The following SS18 variants were observed in gnomAD, a reference collection of about 807,000 sequenced individuals.
SS18 encodes the protein protein SSXT.
SS18 carries 28 observed loss-of-function variants against 72.5 expected under a neutral mutation model. The observed-to-expected ratio is 0.39, with a 90% CI of 0.29 to 0.53. SS18 has a LOEUF of 0.53. SS18 is among the 20% of genes least tolerant of loss of function. The pLI is 0.76. For synonymous variants in SS18, 172 were observed against 164.2 expected, an observed-to-expected ratio of 1.05 and a Z score of -0.37; for missense variants, 518 against 535.3, an observed-to-expected ratio of 0.97 and a Z score of 0.32.
chr18:26,031,370 A>G (rs1033111697), intron 10 of SS18, among the ~76,000 whole-genome samples: 3 of 152,154 alleles, frequency 2.0e-5, no homozygotes, highest in African/African-American at 4.8e-5. Context: ...TCTAGTTACC[A>G]CTGCATCTGA....
intron 3 of SS18, among the ~76,000 whole-genome samples, chr18:26,060,881 G>A (rs1023767629): frequency 6.0e-5 from 9 of 149,578 alleles, no homozygotes; most frequent in Admixed American, 2.0e-4. Context: ...GCTTGCACCT[G>A]GGAGGTGGAG....
At chr18:26,081,858 G>A (rs2054529858) in intron 2 of SS18, among the ~76,000 whole-genome samples, 1 of 152,032 alleles carries the variant, frequency 6.6e-6, no homozygotes, top group Non-Finnish European at 1.5e-5. Flanking sequence ...AGGAGTTCAA[G>A]ACAAGCCTGG....
chr18:26,043,610 A>G (rs2143916074), intron 5 of SS18, among the ~76,000 whole-genome samples: 1 of 152,334 alleles, frequency 6.6e-6, no homozygotes, highest in South Asian at 2.1e-4. Flanking sequence ...TAAAAAGAAT[A>G]GGATTCTTTA....
At chr18:26,023,298 G>C (rs2053384958) in intron 10 of SS18, among the ~76,000 whole-genome samples, 1 of 152,126 alleles carries the variant, frequency 6.6e-6, no homozygotes, top group Admixed American at 6.5e-5. Flanking sequence ...AGACACGGAA[G>C]ATATTAAAAA....
intron 2 of SS18, among the ~76,000 whole-genome samples, chr18:26,084,412 A>G (rs2144177929): frequency 6.6e-6 from 1 of 152,332 alleles, no homozygotes; most frequent in Non-Finnish European, 1.5e-5. Flanking sequence ...TTTTTAGTGG[A>G]TGCTAAAATT....
At chr18:26,022,049 CA>C (rs1299525257) in intron 10 of SS18, among the ~76,000 whole-genome samples, 1 of 152,042 alleles carries the variant, frequency 6.6e-6, no homozygotes, top group Non-Finnish European at 1.5e-5. Context: ...TGAGCAATAC[CA>C]AAATCTTTAC....
chr18:26,069,126 C>T (rs2144092328), intron 3 of SS18, among the ~76,000 whole-genome samples: 1 of 152,266 alleles, frequency 6.6e-6, no homozygotes, highest in African/African-American at 2.4e-5. Context: ...ACTTCAAATA[C>T]TCCAGAATCT....
chr18:26,052,528 T>C lies in SS18; in HGVS notation c.607+96A>G, dbSNP rs544074965. 6 of 1,006,266 alleles carry C rather than the reference T, an allele frequency of 6.0e-6. No individual in the cohort carries two copies. In the South Asian group the frequency reaches 6.0e-5, roughly 10 times the overall value. The allele number at this position is 1,006,266 out of a possible 1,614,324, so 62.3% of individuals were successfully genotyped here. A position where few individuals can be genotyped will look rare whatever the true frequency, so the allele number is the denominator to read the frequency against. ...ATGACTGTCACTCACTTTAAACTTTTATTTTTATGAACCAGCTAAGAACCT... is the reference window on the plus strand; with the variant it reads ...ATGACTGTCACTCACTTTAAACTTTCATTTTTATGAACCAGCTAAGAACCT... On this transcript the variant is annotated intron_variant, in intron 5 of 10. Transcript: ENST00000415083.
intron 5 of SS18, among the ~76,000 whole-genome samples, chr18:26,050,689 C>A (rs2053906301): frequency 6.6e-6 from 1 of 151,552 alleles, no homozygotes; most frequent in South Asian, 2.1e-4. Flanking sequence ...TTTTATTTGT[C>A]CTAAAGAGAT....
intron 5 of SS18, among the ~76,000 whole-genome samples, chr18:26,041,162 C>T (rs1428269520): frequency 6.6e-6 from 1 of 152,210 alleles, no homozygotes; most frequent in African/African-American, 2.4e-5. Context: ...GTGGCTCACA[C>T]CTGTAATCCC....
chr18:26,067,705 G>A (rs571497331), intron 3 of SS18, among the ~76,000 whole-genome samples: 5 of 152,158 alleles, frequency 3.3e-5, no homozygotes, highest in South Asian at 2.1e-4. Flanking sequence ...TAAAGACGAC[G>A]AGCTGCGCAG....
chr18:26,034,991 G>C lies in SS18; in HGVS notation c.1096+14C>G, dbSNP rs771460051. ...ATTTTTTTGGTGATAAAAATACACT[G>C]TACAAAGCTTTACCGTAGCCCTGCT... On this transcript the variant is annotated intron_variant, in intron 9 of 10. Transcript: ENST00000415083. The C allele has an allele frequency of 1.9e-6, 3 of 1,611,876 alleles. No homozygotes were observed. The East Asian group carries it at 6.7e-5, about 36-fold the overall frequency.
At chr18:26,049,028 A>AG (rs770296710) in intron 5 of SS18, among the ~76,000 whole-genome samples, 20 of 152,342 alleles carry the variant, frequency 1.3e-4, no homozygotes, top group Middle Eastern at 3.4e-3. Flanking sequence ...AGTAAGCTAC[A>AG]GGGGGCCAAG....
intron 5 of SS18, among the ~76,000 whole-genome samples, chr18:26,046,974 C>T (rs2053834549): frequency 6.6e-6 from 1 of 152,140 alleles, no homozygotes; most frequent in Non-Finnish European, 1.5e-5. Context: ...GCTATGGTAA[C>T]TGAAATTCAA....
In SS18 at chr18:26,078,441, C is replaced by T. The variant is rs535733536; in HGVS notation, c.147-281G>A. On this transcript the variant is annotated intron_variant, in intron 2 of 10. Coordinates refer to ENST00000415083, the MANE Select transcript of SS18 (RefSeq NM_001007559.3). ...TACTACGAGGCAGGAGCTCTTTTCT[C>T]CATTTTACAGATGAGAAACTAATGT... 13 of 251,922 alleles carry T rather than the reference C, an allele frequency of 5.2e-5. No individual in the cohort carries two copies. In the South Asian group the frequency reaches 1.0e-3, roughly 20 times the overall value. The allele number at this position is 251,922 out of a possible 1,614,324, so 15.6% of individuals were successfully genotyped here. A position where few individuals can be genotyped will look rare whatever the true frequency, so the allele number is the denominator to read the frequency against.
rs2053619172 is a variant in SS18, at chr18:26,035,920, T to G, written c.884A>C (p.His295Pro). 1.3e-6 allele frequency: 2 copies of G among 1,595,728 alleles called. No homozygotes were observed. The highest frequency in any genetic ancestry group is 1.7e-6 in the Non-Finnish European group (2 of 1,168,532). The stretch of plus-strand genomic sequence containing the variant: ...CGGTTGCTGATAACCGTAATCATTA[T>G]GACCTACATCAATTCGACAAGAGAC... The part of the protein sequence containing the change: ...GMNQQYYPDG[H>P]NDYGYQQPSY... Residue 295 changes from histidine (H) to proline (P), a missense_variant, in exon 8 of 11, where the codon CAT becomes CCT. His to Pro is a moderately conservative substitution (Grantham distance 77). Transcript: ENST00000415083. This position sits in a 1 kb window ranked among gnomAD's most constrained non-coding sequence, Gnocchi z 4.4.
intron 3 of SS18, among the ~76,000 whole-genome samples, chr18:26,075,976 T>C (rs1052175861): frequency 2.6e-5 from 4 of 151,722 alleles, no homozygotes; most frequent in Non-Finnish European, 4.4e-5. Flanking sequence ...TCAAAAAATA[T>C]AAAGTATTAA....
intron 10 of SS18, among the ~76,000 whole-genome samples, chr18:26,031,714 T>C (rs1180249980): frequency 1.3e-5 from 2 of 152,150 alleles, no homozygotes; most frequent in Non-Finnish European, 2.9e-5. Context: ...CACTTCTACA[T>C]ATCTGAAAGA....
chr18:26,090,446 CTG>C (rs931818683), intron 1 of SS18, 53 bp downstream of exon 1: 12 of 1,526,360 alleles, frequency 7.9e-6, no homozygotes, highest in Non-Finnish European at 1.1e-5. Flanking sequence ...CCCCCCGCGT[CTG>C]TCTCTCCCAG....
Sources: gnomAD v4.1 joint callset for allele counts (sites outside exome capture counted in the v4.1 genomes callset) on GRCh38, gnomAD v4.1.1 for gene constraint, Gnocchi (gnomAD v3.1) non-coding constraint, MANE v1.5 for transcripts, NCBI Gene and HGNC (gene_info 2026-07-23, HGNC 2026-07-21) for gene names.